Variants in RALGPS2 observed in about 807,000 individuals in gnomAD.
The protein encoded by RALGPS2 is Ral GEF with PH domain and SH3 binding motif 2.
In RALGPS2, 43 loss-of-function variants were observed where a neutral mutation model predicts 86.8. The observed-to-expected ratio is 0.50, with a 90% CI of 0.39 to 0.64. The LOEUF is 0.64. RALGPS2 is among the 30% of genes least tolerant of loss of function. The pLI, the probability that RALGPS2 is intolerant of heterozygous loss-of-function variation, is 0.00. For synonymous variants in RALGPS2, 243 were observed against 231.3 expected (o/e 1.05, Z -0.46); for missense variants, 536 against 694.6 (o/e 0.77, Z 2.57).
At chr1:178,856,200 G>T (rs374301667) in intron 8 of RALGPS2, among the ~76,000 whole-genome samples, 2,246 of 39,986 alleles carry the variant, frequency 0.056, 69 homozygotes, top group African/African-American at 0.15. Context: ...CAGAGAGAGA[G>T]AGATATATAT....
At chr1:178,746,967 A>G (rs1236116071) in intron 1 of RALGPS2, 1 of 991,612 alleles carries the variant, frequency 1.0e-6, no homozygotes, top group East Asian at 2.4e-5. Context: ...AGTCTTCCTT[A>G]GAAAGTTCTT....
intron 8 of RALGPS2, among the ~76,000 whole-genome samples, chr1:178,837,896 C>T (rs1656359654): frequency 6.6e-6 from 1 of 152,216 alleles, no homozygotes; most frequent in Non-Finnish European, 1.5e-5. Flanking sequence ...GTGCCTGGCT[C>T]AGAGGGTGCC....
intron 8 of RALGPS2, among the ~76,000 whole-genome samples, chr1:178,854,469 A>G (rs1339121568): frequency 1.3e-5 from 2 of 152,184 alleles, no homozygotes; most frequent in Non-Finnish European, 2.9e-5. Flanking sequence ...AATAAACCAG[A>G]TGCCCAAACT....
intron 8 of RALGPS2, among the ~76,000 whole-genome samples, chr1:178,855,620 T>C (rs73039840): frequency 0.046 from 7,058 of 151,962 alleles, 561 homozygotes; most frequent in African/African-American, 0.16. Context: ...AGAGTTGCAA[T>C]TTGATTTTTT....
intron 3 of RALGPS2, among the ~76,000 whole-genome samples, chr1:178,785,132 A>C (rs1653589891): frequency 6.6e-6 from 1 of 151,990 alleles, no homozygotes; most frequent in African/African-American, 2.4e-5. Context: ...AAGCTCTTAG[A>C]TATAATGTTG....
intron 15 of RALGPS2, among the ~76,000 whole-genome samples, 183 bp downstream of exon 15, chr1:178,892,490 C>G (rs1030044344): frequency 5.3e-5 from 8 of 152,092 alleles, no homozygotes; most frequent in Non-Finnish European, 1.2e-4. Context: ...ACTATTCTTT[C>G]TGATCCACAG....
intron 4 of RALGPS2, among the ~76,000 whole-genome samples, chr1:178,796,040 A>G (rs1020581977): frequency 6.6e-6 from 1 of 152,170 alleles, no homozygotes; most frequent in African/African-American, 2.4e-5. Flanking sequence ...CTGTTTTGTC[A>G]GTTTGTATTA....
intron 17 of RALGPS2, 152 bp downstream of exon 17, chr1:178,897,908 A>C: frequency 1.7e-6 from 1 of 593,426 alleles, no homozygotes; most frequent in Non-Finnish European, 3.0e-6. Flanking sequence ...TTTCTTTTTT[A>C]AATACCATTT....
intron 6 of RALGPS2, among the ~76,000 whole-genome samples, chr1:178,813,490 A>G (rs965558): frequency 0.16 from 23,607 of 152,096 alleles, 2,098 homozygotes; most frequent in East Asian, 0.31. Flanking sequence ...AAACCCTTCT[A>G]TTCTGACTCT....
chr1:178,906,937 G>A, intron 19 of RALGPS2, 70 bp downstream of exon 19: 1 of 1,349,048 alleles, frequency 7.4e-7, no homozygotes, highest in South Asian at 1.2e-5. Flanking sequence ...TCCAAGAGAA[G>A]TAAACAGACT....
At chr1:178,819,873 C>T (rs1655414751) in intron 6 of RALGPS2, among the ~76,000 whole-genome samples, 1 of 152,114 alleles carries the variant, frequency 6.6e-6, no homozygotes, top group Non-Finnish European at 1.5e-5. Context: ...TGAACTGATT[C>T]CCTTCCTGTA....
At chr1:178,895,076 A>T (rs912451807) in intron 16 of RALGPS2, among the ~76,000 whole-genome samples, 2 of 152,068 alleles carry the variant, frequency 1.3e-5, no homozygotes, top group Non-Finnish European at 2.9e-5. Context: ...GGGGGGGGAA[A>T]AAAGGAAGAT....
chr1:178,869,244 AAGTC>A, intron 8 of RALGPS2: 1 of 152,098 alleles, frequency 6.6e-6, no homozygotes, highest in African/African-American at 2.4e-5. Context: ...GAAGAAACGA[AAGTC>A]AGGATTTGCC....
intron 2 of RALGPS2, 76 bp from the exon 3 acceptor site, chr1:178,784,342 T>A (rs779925471): frequency 7.7e-6 from 9 of 1,174,402 alleles, no homozygotes; most frequent in Non-Finnish European, 1.1e-5. Flanking sequence ...TTTCTCAGTT[T>A]TTAAGGCCAA....
intron 6 of RALGPS2, among the ~76,000 whole-genome samples, chr1:178,811,680 G>A (rs991320606): frequency 1.3e-5 from 2 of 152,080 alleles, no homozygotes; most frequent in Non-Finnish European, 2.9e-5. Flanking sequence ...GTTGGATTAT[G>A]GTAAAGTATG....
At chr1:178,852,986 A>G (rs777052895) in intron 8 of RALGPS2, 3 of 1,578,666 alleles carry the variant, frequency 1.9e-6, no homozygotes, top group Admixed American at 1.8e-5. Context: ...GAGTGCATAA[A>G]TAAGTATAGA....
intron 6 of RALGPS2, among the ~76,000 whole-genome samples, chr1:178,820,153 C>T (rs1205981430): frequency 6.6e-6 from 1 of 152,144 alleles, no homozygotes; most frequent in East Asian, 1.9e-4. Context: ...CTGTCATTAG[C>T]CTCACATCAG....
At chr1:178,859,964 G>A (rs181055672) in intron 8 of RALGPS2, among the ~76,000 whole-genome samples, 6 of 151,574 alleles carry the variant, frequency 4.0e-5, no homozygotes, top group South Asian at 2.1e-4. Context: ...TGATCCACCC[G>A]TCTCGGCTAC....
In RALGPS2 at chr1:178,738,299, C is replaced by T. The variant is rs533197056; in HGVS notation, c.-84+12880C>T. Among the ~76,000 whole-genome samples, 12 of 150,732 alleles carry T rather than the reference C, an allele frequency of 8.0e-5. No homozygotes were observed. In the East Asian group the frequency reaches 2.4e-3, roughly 30 times the overall value. On this transcript the variant is annotated intron_variant, in intron 1 of 19. Transcript: ENST00000367635. ...TCTTAGCTCACTGCAACATCCACCT[C>T]CCAGGTTCAAGGTACTCTCCTGTCT... is the stretch of plus-strand genomic sequence containing the variant.
Sources: allele counts gnomAD v4.1 joint callset (sites outside exome capture counted in the v4.1 genomes callset), GRCh38; gene constraint gnomAD v4.1.1; transcripts MANE v1.5; gene names NCBI Gene and HGNC (gene_info 2026-07-23, HGNC 2026-07-21).